The following TRAT1 variants were observed in gnomAD, a reference collection of about 807,000 sequenced individuals.
The protein encoded by TRAT1 is T-cell receptor-associated transmembrane adapter 1.
In TRAT1, 20 loss-of-function variants were observed where a neutral mutation model predicts 20.0. The ratio of observed to expected loss-of-function variants is 1.00; its 90% CI spans 0.70 to 1.45. The LOEUF is 1.45. Ranked by LOEUF, TRAT1 falls within the 40% of genes most tolerant of loss-of-function variation. TRAT1 has a pLI of 0.00. For synonymous variants in TRAT1, 77 were observed against 74.2 expected (o/e 1.04, Z -0.20); for missense variants, 237 against 224.1 (o/e 1.06, Z -0.37).
intron 5 of TRAT1, among the ~76,000 whole-genome samples, chr3:108,853,289 G>A (rs1027912293): frequency 1.3e-5 from 2 of 152,100 alleles, no homozygotes; most frequent in Non-Finnish European, 2.9e-5. Context: ...TACTTGGTAA[G>A]AGCGACACAG....
At chr3:108,844,843 C>CCAAA (rs1945926573) in intron 3 of TRAT1, among the ~76,000 whole-genome samples, 1 of 47,842 alleles carries the variant, frequency 2.1e-5, no homozygotes, top group African/African-American at 8.5e-5. Flanking sequence ...GACTCTGTCT[C>CCAAA]AAAAAAAAAA....
chr3:108,849,128 A>G, intron 4 of TRAT1, 38 bp from the exon 5 acceptor site: 1 of 1,564,412 alleles, frequency 6.4e-7, no homozygotes, highest in Non-Finnish European at 8.8e-7. Context: ...GTATTTTTAA[A>G]TTTTCTATTG....
At chr3:108,832,071 G>A (rs1008466944) in intron 2 of TRAT1, among the ~76,000 whole-genome samples, 4 of 152,112 alleles carry the variant, frequency 2.6e-5, no homozygotes, top group African/African-American at 7.2e-5. Flanking sequence ...CTTAAGCACC[G>A]ATAATACTAA....
chr3:108,831,578 C>A (rs1016778427), intron 2 of TRAT1, among the ~76,000 whole-genome samples: 2 of 144,034 alleles, frequency 1.4e-5, no homozygotes, highest in Non-Finnish European at 3.0e-5. Flanking sequence ...CTTGCTCTGT[C>A]GCCCAGGCTG....
At chr3:108,848,779 T>G (rs1202606270) in intron 4 of TRAT1, among the ~76,000 whole-genome samples, 1 of 152,250 alleles carries the variant, frequency 6.6e-6, no homozygotes, top group Non-Finnish European at 1.5e-5. Context: ...GTATGTGCAC[T>G]GTGCTTTGTG....
intron 1 of TRAT1, among the ~76,000 whole-genome samples, chr3:108,824,064 G>A (rs1945715552): frequency 6.6e-6 from 1 of 152,026 alleles, no homozygotes; most frequent in South Asian, 2.1e-4. Context: ...TAGAGACAGG[G>A]TTTCATTATG....
chr3:108,851,723 A>G (rs114962553), intron 5 of TRAT1, among the ~76,000 whole-genome samples: 194 of 152,066 alleles, frequency 1.3e-3, no homozygotes, highest in African/African-American at 4.4e-3. Context: ...TTCTTTGGAT[A>G]GATACACATT....
chr3:108,825,566 A>C (rs902061596), intron 1 of TRAT1, among the ~76,000 whole-genome samples: 9 of 152,278 alleles, frequency 5.9e-5, no homozygotes, highest in Non-Finnish European at 7.4e-5. Context: ...GATGGGTCAA[A>C]GACAATGTTT....
intron 1 of TRAT1, among the ~76,000 whole-genome samples, chr3:108,828,311 T>A (rs1420861831): frequency 1.3e-5 from 2 of 152,158 alleles, no homozygotes; most frequent in African/African-American, 2.4e-5. Flanking sequence ...TTTATTATTA[T>A]TTTCCATGTA....
intron 1 of TRAT1, among the ~76,000 whole-genome samples, chr3:108,825,191 A>G (rs1945724992): frequency 6.6e-6 from 1 of 152,160 alleles, no homozygotes; most frequent in Non-Finnish European, 1.5e-5. Context: ...AAGAATAATT[A>G]TTTCTAGTTA....
Position 108,835,480 on chromosome 3 carries a change from C to G in TRAT1, c.119-3454C>G, listed in dbSNP as rs189715997. On this transcript the variant is annotated intron_variant, in intron 2 of 5. Transcript: ENST00000295756. ...CATGACAGAGCAAACTTTTCAGAAG[C>G]CTGAGCTTGCTGGCTTTTATTCTGA... 2.7e-3 allele frequency among the ~76,000 whole-genome samples: 405 copies of G among 152,286 alleles called. 1 individual carries two copies. The highest frequency in any genetic ancestry group is 4.3e-3 in the Non-Finnish European group (294 of 68,018).
chr3:108,831,322 C>T (rs1945790885), intron 2 of TRAT1, among the ~76,000 whole-genome samples: 1 of 152,180 alleles, frequency 6.6e-6, no homozygotes, highest in African/African-American at 2.4e-5. Context: ...GTCAGCTTTG[C>T]TTTTTCAACA....
chr3:108,825,233 GT>G (rs1377520254), intron 1 of TRAT1, among the ~76,000 whole-genome samples: 1 of 152,012 alleles, frequency 6.6e-6, no homozygotes, highest in Admixed American at 6.6e-5. Context: ...AAAAACCCAA[GT>G]ATTTTCTTTT....
At chr3:108,836,151 C>T (rs1945839982) in intron 2 of TRAT1, among the ~76,000 whole-genome samples, 1 of 152,160 alleles carries the variant, frequency 6.6e-6, no homozygotes, top group Non-Finnish European at 1.5e-5. Context: ...ATCTCCCGAC[C>T]TCGTGATCTG....
intron 5 of TRAT1, among the ~76,000 whole-genome samples, chr3:108,851,599 C>G (rs924113134): frequency 2.0e-5 from 3 of 148,786 alleles, no homozygotes; most frequent in African/African-American, 7.5e-5. Flanking sequence ...TACTATTTGC[C>G]TACCAATATG....
intron 2 of TRAT1, among the ~76,000 whole-genome samples, chr3:108,836,032 G>C (rs1359068488): frequency 6.6e-6 from 1 of 152,114 alleles, no homozygotes; most frequent in Admixed American, 6.5e-5. Context: ...CGATTCCCCT[G>C]CCTCAGCCTC....
At chr3:108,830,846 C>T (rs759059700) in intron 2 of TRAT1, 66 bp downstream of exon 2, 27 of 971,650 alleles carry the variant, frequency 2.8e-5, no homozygotes, top group Non-Finnish European at 4.1e-5. Context: ...CACTGGAAAA[C>T]CTATGGAAGC....
intron 1 of TRAT1, among the ~76,000 whole-genome samples, chr3:108,828,917 C>T (rs1412919312): frequency 6.6e-6 from 1 of 152,168 alleles, no homozygotes; most frequent in Non-Finnish European, 1.5e-5. Context: ...TCATCAAAGT[C>T]TATTTTACTT....
intron 3 of TRAT1, among the ~76,000 whole-genome samples, chr3:108,840,264 G>T (rs1056518388): frequency 1.3e-5 from 2 of 152,072 alleles, no homozygotes; most frequent in African/African-American, 4.8e-5. Flanking sequence ...TTTATATCAA[G>T]AATGATTTGC....
Sources: gnomAD v4.1 joint callset for allele counts (sites outside exome capture counted in the v4.1 genomes callset) on GRCh38, gnomAD v4.1.1 for gene constraint, MANE v1.5 for transcripts, NCBI Gene and HGNC (gene_info 2026-07-23, HGNC 2026-07-21) for gene names.